CDH4: variants seen among roughly 807,000 people sequenced by gnomAD.
The protein encoded by CDH4 is cadherin-4.
In CDH4, 33 loss-of-function variants were observed where a neutral mutation model predicts 86.0. That is an observed-to-expected ratio of 0.38 (90% CI 0.29 to 0.51). CDH4 has a LOEUF of 0.51. Among genes scored for constraint, CDH4 ranks in the 20% least tolerant of loss-of-function variants. The pLI, the probability that CDH4 is intolerant of heterozygous loss-of-function variation, is 0.86. For missense variants in CDH4, 1,114 were observed against 1,307.4 expected, an observed-to-expected ratio of 0.85 and a Z score of 2.28; for synonymous variants, 555 against 549.4, an observed-to-expected ratio of 1.01 and a Z score of -0.14.
At chr20:61,801,567 A>AG (rs1323770517) in intron 4 of CDH4, among the ~76,000 whole-genome samples, 1 of 152,164 alleles carries the variant, frequency 6.6e-6, no homozygotes, top group Non-Finnish European at 1.5e-5. Flanking sequence ...ATGGTGCTGG[A>AG]GGTCAGAGTC....
At chr20:61,782,155 A>C (rs867380715) in intron 4 of CDH4, among the ~76,000 whole-genome samples, 22 of 152,086 alleles carry the variant, frequency 1.4e-4, no homozygotes, top group South Asian at 4.2e-4. Context: ...AAAAATACAA[A>C]AAAATCAGCT....
intron 6 of CDH4, among the ~76,000 whole-genome samples, chr20:61,856,798 T>C (rs1270929050): frequency 6.6e-6 from 1 of 152,064 alleles, no homozygotes. Flanking sequence ...CAGAGTGAGA[T>C]GTCTTGTTAG....
chr20:61,581,006 T>C (rs527332167), intron 2 of CDH4, among the ~76,000 whole-genome samples: 1 of 152,246 alleles, frequency 6.6e-6, no homozygotes, highest in African/African-American at 2.4e-5. Flanking sequence ...CATTAGGGCT[T>C]CTCCCAAATT....
At chr20:61,297,849 C>T (rs955693370) in intron 2 of CDH4, among the ~76,000 whole-genome samples, 1 of 152,252 alleles carries the variant, frequency 6.6e-6, no homozygotes, top group Admixed American at 6.5e-5. Flanking sequence ...TTCAGGAATC[C>T]GTGGGGAACC....
At chr20:61,295,684 G>T (rs953035337) in intron 2 of CDH4, among the ~76,000 whole-genome samples, 1 of 152,232 alleles carries the variant, frequency 6.6e-6, no homozygotes, top group Non-Finnish European at 1.5e-5. Context: ...CAGCAGAGTG[G>T]CCTGGGCAGA....
At chr20:61,607,460 T>C (rs755751607) in intron 2 of CDH4, among the ~76,000 whole-genome samples, 10 of 152,198 alleles carry the variant, frequency 6.6e-5, no homozygotes, top group Non-Finnish European at 1.2e-4. Flanking sequence ...ATTTTTCTTA[T>C]AGACTTAAAA....
Position 61,811,361 on chromosome 20 carries a change from GAC to G in CDH4, c.577-33303_577-33302del, listed in dbSNP as rs1177592177. On this transcript the variant is annotated intron_variant, in intron 4 of 15. Transcript: ENST00000614565. This position sits in a 1 kb window ranked among gnomAD's most constrained non-coding sequence, Gnocchi z 4.4. ...GAAATGCCCCTTCCCGGCTTACACA[GAC>G]ACAGCCCAGGAGAAAAAGCAGTGAC... is the stretch of plus-strand genomic sequence containing the variant. Among the ~76,000 whole-genome samples, 2 of 152,134 alleles carry G rather than the reference GAC, an allele frequency of 1.3e-5. No homozygotes were observed. The highest frequency in any genetic ancestry group is 2.9e-5 in the Non-Finnish European group (2 of 68,026).
At chr20:61,933,616 A>G (rs574525140) in intron 14 of CDH4, among the ~76,000 whole-genome samples, 6 of 151,176 alleles carry the variant, frequency 4.0e-5, no homozygotes, top group Non-Finnish European at 7.4e-5. Flanking sequence ...TGCCCCTCCC[A>G]CAACACGACC....
chr20:61,446,682 G>A (rs554948518), intron 2 of CDH4, among the ~76,000 whole-genome samples: 1 of 152,310 alleles, frequency 6.6e-6, no homozygotes, highest in South Asian at 2.1e-4. Flanking sequence ...GAACTAGAAT[G>A]GTTTTAAGGT....
At chr20:61,566,510 A>G (rs1223283090) in intron 2 of CDH4, among the ~76,000 whole-genome samples, 1 of 152,002 alleles carries the variant, frequency 6.6e-6, no homozygotes, top group East Asian at 1.9e-4. Context: ...TATTTCCTTC[A>G]AGTGTCTCCT....
chr20:61,661,499 C>T (rs528444778), intron 2 of CDH4, among the ~76,000 whole-genome samples: 104 of 132,000 alleles, frequency 7.9e-4, no homozygotes, highest in African/African-American at 2.8e-3. Context: ...TTTTAACACT[C>T]ATACATGTCA....
At chr20:61,854,408 C>T (rs1297804229) in intron 6 of CDH4, among the ~76,000 whole-genome samples, 1 of 151,732 alleles carries the variant, frequency 6.6e-6, no homozygotes, top group East Asian at 1.9e-4. Flanking sequence ...GTGAATTGCA[C>T]TCTTGGCCTG....
At chr20:61,458,215 A>T (rs1348250751) in intron 2 of CDH4, among the ~76,000 whole-genome samples, 1 of 145,720 alleles carries the variant, frequency 6.9e-6, no homozygotes, top group Non-Finnish European at 1.5e-5. Flanking sequence ...TGTTGATGAC[A>T]GTGCTGATGG....
At chr20:61,886,828 C>T (rs577744741) in intron 7 of CDH4, among the ~76,000 whole-genome samples, 9 of 152,312 alleles carry the variant, frequency 5.9e-5, no homozygotes, top group Admixed American at 5.2e-4. Context: ...CTGCACACAG[C>T]GAGGCCTGTT....
At chr20:61,514,128 T>G (rs1453749671) in intron 2 of CDH4, among the ~76,000 whole-genome samples, 2 of 152,222 alleles carry the variant, frequency 1.3e-5, no homozygotes, top group Non-Finnish European at 2.9e-5. Context: ...AAGTGAGGGC[T>G]GACAGGTCAT....
intron 2 of CDH4, among the ~76,000 whole-genome samples, chr20:61,637,879 G>A (rs963891092): frequency 3.0e-4 from 45 of 152,240 alleles, no homozygotes; most frequent in African/African-American, 1.0e-3. Context: ...AAATTAGCCG[G>A]ACATGGTGGT....
At position 61,810,010 on chromosome 20, in the gene CDH4, G is replaced by C. The variant is rs769234752; in HGVS notation, c.577-34658G>C. On this transcript the variant is annotated intron_variant, in intron 4 of 15. Coordinates refer to ENST00000614565, the MANE Select transcript of CDH4 (RefSeq NM_001794.5). The surrounding 1 kb of genome is among the most constrained non-coding windows in gnomAD (Gnocchi z 4.3). Reference sequence around the variant, plus strand: ...CATCGTATCAGTTGGTGATTGCCGTGATAATCCTGCATAACAACCACCCAT... The same window carrying C: ...CATCGTATCAGTTGGTGATTGCCGTCATAATCCTGCATAACAACCACCCAT... 4.6e-5 allele frequency among the ~76,000 whole-genome samples: 7 copies of C among 152,196 alleles called. No individual in the cohort carries two copies. Among genetic ancestry groups the C allele is most frequent in the Non-Finnish European group, 1.5e-5 (1 of 68,034 alleles).
At chr20:61,536,531 G>A (rs1254787202) in intron 2 of CDH4, among the ~76,000 whole-genome samples, 1 of 152,142 alleles carries the variant, frequency 6.6e-6, no homozygotes, top group Non-Finnish European at 1.5e-5. Flanking sequence ...ACTCAAGCCA[G>A]GCCCCTCACC....
chr20:61,325,611 A>G (rs758874070), intron 2 of CDH4, among the ~76,000 whole-genome samples: 2 of 151,658 alleles, frequency 1.3e-5, no homozygotes, highest in Non-Finnish European at 2.9e-5. Flanking sequence ...GTTCTTGGAG[A>G]GATTATGAAG....
Sources: allele counts gnomAD v4.1 joint callset (sites outside exome capture counted in the v4.1 genomes callset), GRCh38; gene constraint gnomAD v4.1.1; non-coding constraint Gnocchi (gnomAD v3.1); transcripts MANE v1.5; gene names NCBI Gene and HGNC (gene_info 2026-07-23, HGNC 2026-07-21).